CATSPERE: variants seen among roughly 807,000 people sequenced by gnomAD.
CATSPERE encodes cation channel sperm-associated auxiliary subunit epsilon.
In CATSPERE, 93 loss-of-function variants were observed where a neutral mutation model predicts 114.1. The ratio of observed to expected loss-of-function variants is 0.81; its 90% CI spans 0.69 to 0.97. The LOEUF (loss-of-function observed/expected upper bound fraction) is 0.97. Ranked by LOEUF, CATSPERE falls within the 50% of genes least tolerant of loss-of-function variation. The pLI is 0.00. For synonymous variants in CATSPERE, 341 were observed against 384.1 expected (o/e 0.89, Z 1.31); for missense variants, 1,058 against 1,131.6 (o/e 0.93, Z 0.93).
In CATSPERE at chr1:244,640,202, C is replaced by A; in HGVS notation, c.*121C>A. 1.6e-6 allele frequency: 1 copy of A among 634,238 alleles called. No homozygotes were observed. The highest frequency in any genetic ancestry group is 2.5e-6 in the Non-Finnish European group (1 of 393,810). 39.3% of individuals were successfully genotyped at this position (634,238 alleles called of 1,614,324 possible). A position where few individuals can be genotyped will look rare whatever the true frequency, so the allele number is the denominator to read the frequency against. ...AAATATAAGCTCGTAGTAGGCATCA[C>A]CAAATTCAAGATCTGAAAAATATTC... On this transcript the variant is annotated 3_prime_UTR_variant, in exon 22 of 22. Transcript: ENST00000366534.
rs138820921 is a variant in CATSPERE, at chr1:244,621,202, G to T, written c.2648+3516G>T. ...ATATTTATATAGATATATTTATATA[G>T]ATATATTTATATATATATTTATATA... is the stretch of plus-strand genomic sequence containing the variant. On this transcript the variant is annotated intron_variant, in intron 20 of 21. Coordinates refer to ENST00000366534, the MANE Select transcript of CATSPERE (RefSeq NM_001130957.2). Among the ~76,000 whole-genome samples, 35 of 8,710 alleles carry T rather than the reference G, an allele frequency of 4.0e-3. 8 individuals carry two copies. Among genetic ancestry groups the T allele is most frequent in the East Asian group, 4.9e-3 (2 of 408 alleles). 5.7% of individuals were successfully genotyped at this position (8,710 alleles called of 152,430 possible).
chr1:244,574,119 C>T (rs762668687), intron 11 of CATSPERE, among the ~76,000 whole-genome samples: 8 of 152,104 alleles, frequency 5.3e-5, no homozygotes, highest in South Asian at 2.1e-4. Context: ...CTGAACCTGA[C>T]GGGCTAATAA....
chr1:244,605,608 C>T, intron 17 of CATSPERE, 87 bp from the exon 18 acceptor site: 1 of 783,424 alleles, frequency 1.3e-6, no homozygotes, highest in Non-Finnish European at 2.1e-6. Flanking sequence ...AGGATTTAAA[C>T]CTAAGCACTT....
chr1:244,551,847 G>A lies in CATSPERE; in HGVS notation c.537-475G>A, dbSNP rs550440981. ...TGGGAGGCCGAGGCGGGCGGATCACGAGGTCAGGAGATTGAGACCATCCTG... is the reference window on the plus strand; with the variant it reads ...TGGGAGGCCGAGGCGGGCGGATCACAAGGTCAGGAGATTGAGACCATCCTG... On this transcript the variant is annotated intron_variant, in intron 8 of 21. Coordinates refer to ENST00000366534, the MANE Select transcript of CATSPERE (RefSeq NM_001130957.2). Among the ~76,000 whole-genome samples the A allele has an allele frequency of 7.9e-5, 12 of 151,958 alleles. No individual in the cohort carries two copies. The South Asian group carries it at 2.5e-3, about 32-fold the overall frequency.
At chr1:244,532,366 C>G (rs566321027) in intron 8 of CATSPERE, among the ~76,000 whole-genome samples, 1 of 151,792 alleles carries the variant, frequency 6.6e-6, no homozygotes, top group African/African-American at 2.4e-5. Flanking sequence ...TTGGTTTGCT[C>G]TTGCTTTTCT....
intron 20 of CATSPERE, among the ~76,000 whole-genome samples, chr1:244,634,667 G>C (rs1438393765): frequency 6.6e-6 from 1 of 152,206 alleles, no homozygotes; most frequent in Non-Finnish European, 1.5e-5. Flanking sequence ...AGAAAAACCT[G>C]AATGCAAATC....
chr1:244,621,136 TA>T (rs1480953248), intron 20 of CATSPERE, among the ~76,000 whole-genome samples: 5,266 of 37,618 alleles, frequency 0.14, 1,001 homozygotes, highest in Non-Finnish European at 0.17. Context: ...TAAATATATA[TA>T]AAATATATAT....
At chr1:244,532,048 A>G (rs374708650) in intron 8 of CATSPERE, among the ~76,000 whole-genome samples, 52 of 152,204 alleles carry the variant, frequency 3.4e-4, no homozygotes, top group African/African-American at 1.3e-3. Context: ...TCATGGTTCA[A>G]TCTTGGTAGG....
intron 11 of CATSPERE, among the ~76,000 whole-genome samples, 187 bp from the exon 12 acceptor site, chr1:244,581,609 A>G (rs1000393444): frequency 6.6e-6 from 1 of 152,116 alleles, no homozygotes; most frequent in African/African-American, 2.4e-5. Context: ...TACTTGCTTT[A>G]TTACGTATCT....
chr1:244,490,497 A>T, intron 6 of CATSPERE, 26 bp downstream of exon 6: 1 of 1,326,128 alleles, frequency 7.5e-7, no homozygotes, highest in Non-Finnish European at 1.1e-6. Context: ...AATTTTGTAT[A>T]GCCTTCATAT....
rs957386571 is a variant in CATSPERE at position 244,504,720 on chromosome 1, C to T, written c.429+5641C>T. 3.3e-5 allele frequency among the ~76,000 whole-genome samples: 5 copies of T among 152,106 alleles called. No homozygotes were observed. Among genetic ancestry groups the T allele is most frequent in the East Asian group, 2.0e-4 (1 of 5,072 alleles). On this transcript the variant is annotated intron_variant, in intron 7 of 21. Transcript: ENST00000366534. This position sits in a 1 kb window ranked among gnomAD's most constrained non-coding sequence, Gnocchi z 4.1. ...AGTTAGGTGTTTCAGGCAGGAAGACCGCAGAAGTAAAGTGGCATTCCCATT... is the reference window on the plus strand; with the variant it reads ...AGTTAGGTGTTTCAGGCAGGAAGACTGCAGAAGTAAAGTGGCATTCCCATT...
intron 2 of CATSPERE, among the ~76,000 whole-genome samples, chr1:244,475,899 G>A (rs1669270786): frequency 6.6e-6 from 1 of 151,930 alleles, no homozygotes; most frequent in Admixed American, 6.6e-5. Flanking sequence ...TATACTTTAT[G>A]ACTTTTGCTT....
chr1:244,460,584 G>A (rs1257450531), upstream of CATSPERE, among the ~76,000 whole-genome samples: 1 of 152,222 alleles, frequency 6.6e-6, no homozygotes, highest in Non-Finnish European at 1.5e-5. Flanking sequence ...CCAGTCTCCT[G>A]CAATAAATAA....
rs201300434 is a variant in CATSPERE, at chr1:244,531,081, T to TAA, written c.536+12383_536+12384insAA. ...CATCTCTACTAAAAATAAAAAAAAT[T>TAA]TAAAAAAAGCCGGGTGTGGTGGCAT... is the stretch of plus-strand genomic sequence containing the variant. On this transcript the variant is annotated intron_variant, in intron 8 of 21. Transcript: ENST00000366534. Among the ~76,000 whole-genome samples, 1,089 of 118,204 alleles carry TAA rather than the reference T, an allele frequency of 9.2e-3. 14 individuals are homozygous for TAA. Among genetic ancestry groups the TAA allele is most frequent in the African/African-American group, 0.046 (1,015 of 22,142 alleles). 77.5% of individuals were successfully genotyped at this position (118,204 alleles called of 152,430 possible).
chr1:244,471,083 G>A (rs1041118698), intron 2 of CATSPERE, among the ~76,000 whole-genome samples: 16 of 152,144 alleles, frequency 1.1e-4, no homozygotes, highest in African/African-American at 3.6e-4. Context: ...TTCTAAAATC[G>A]ATTACAGTAA....
intron 21 of CATSPERE, among the ~76,000 whole-genome samples, chr1:244,637,844 CA>C (rs1674826159): frequency 6.6e-6 from 1 of 152,198 alleles, no homozygotes; most frequent in African/African-American, 2.4e-5. Context: ...TTTCCACCCT[CA>C]CAAAGAAATT....
chr1:244,535,322 G>A (rs1271010088), intron 8 of CATSPERE, among the ~76,000 whole-genome samples: 1 of 152,194 alleles, frequency 6.6e-6, no homozygotes, highest in African/African-American at 2.4e-5. Flanking sequence ...AAGCCAGCCA[G>A]TCTTGTGTCT....
intron 17 of CATSPERE, among the ~76,000 whole-genome samples, chr1:244,595,543 T>C (rs1668275985): frequency 6.6e-6 from 1 of 152,180 alleles, no homozygotes; most frequent in Non-Finnish European, 1.5e-5. Flanking sequence ...AAATTAGTCA[T>C]GAAGTCTCAG....
intron 2 of CATSPERE, among the ~76,000 whole-genome samples, chr1:244,476,617 A>G (rs1669395105): frequency 6.6e-6 from 1 of 152,184 alleles, no homozygotes; most frequent in African/African-American, 2.4e-5. Flanking sequence ...TAAAACACCA[A>G]AGCAATCTTC....
Sources: gnomAD v4.1 joint callset for allele counts (sites outside exome capture counted in the v4.1 genomes callset) on GRCh38, gnomAD v4.1.1 for gene constraint, Gnocchi (gnomAD v3.1) non-coding constraint, MANE v1.5 for transcripts, NCBI Gene and HGNC (gene_info 2026-07-23, HGNC 2026-07-21) for gene names.